The following TMEM143 variants were observed in gnomAD, a reference collection of about 807,000 sequenced individuals.
TMEM143 encodes transmembrane protein 143.
TMEM143 carries 45 observed loss-of-function variants against 40.3 expected under a neutral mutation model. That is an observed-to-expected ratio of 1.12 (90% CI 0.88 to 1.43). The LOEUF is 1.43. TMEM143 is among the 40% of genes most tolerant of loss of function. TMEM143 has a pLI of 0.00. For missense variants in TMEM143, 620 were observed against 613.4 expected, an observed-to-expected ratio of 1.01 and a Z score of -0.11; for synonymous variants, 299 against 282.7, an observed-to-expected ratio of 1.06 and a Z score of -0.58.
chr19:48,340,081 C>A (rs994622577), intron 6 of TMEM143, among the ~76,000 whole-genome samples: 2 of 149,968 alleles, frequency 1.3e-5, no homozygotes, highest in African/African-American at 4.9e-5. Context: ...GGAAATACCT[C>A]ATGAATTCAT....
intron 3 of TMEM143, among the ~76,000 whole-genome samples, chr19:48,348,174 G>C (rs1373197130): frequency 6.6e-6 from 1 of 152,092 alleles, no homozygotes; most frequent in Admixed American, 6.6e-5. Context: ...CCATTCCCAG[G>C]CTGAGCTGCA....
chr19:48,342,033 G>T (rs190420599), intron 6 of TMEM143, among the ~76,000 whole-genome samples: 4 of 150,838 alleles, frequency 2.7e-5, no homozygotes, highest in African/African-American at 9.8e-5. Flanking sequence ...AAGTAGGGAA[G>T]GGAAGGGGAA....
intron 2 of TMEM143, chr19:48,360,526 C>T (rs1342756483): frequency 8.0e-6 from 2 of 250,504 alleles, no homozygotes; most frequent in Non-Finnish European, 1.5e-5. Context: ...TGCAGTGAGT[C>T]GAGATCGTGC....
At chr19:48,353,930 C>T (rs543710165) in intron 3 of TMEM143, among the ~76,000 whole-genome samples, 1 of 152,036 alleles carries the variant, frequency 6.6e-6, no homozygotes, top group South Asian at 2.1e-4. Flanking sequence ...CCTCTCAGGG[C>T]CTCCACAAGG....
At chr19:48,358,408 A>G (rs1012669717) in intron 3 of TMEM143, among the ~76,000 whole-genome samples, 2 of 151,966 alleles carry the variant, frequency 1.3e-5, no homozygotes, top group African/African-American at 4.8e-5. Context: ...ATATATTAGA[A>G]TAAATAAATT....
In TMEM143 at chr19:48,333,966, G is replaced by A; in HGVS notation, c.1165+42C>T. The A allele has an allele frequency of 6.8e-7, 1 of 1,475,732 alleles. No homozygotes were observed. Among genetic ancestry groups the A allele is most frequent in the Non-Finnish European group, 9.0e-7 (1 of 1,113,600 alleles). 91.4% of individuals were successfully genotyped at this position (1,475,732 alleles called of 1,614,324 possible). A position where few individuals can be genotyped will look rare whatever the true frequency, so the allele number is the denominator to read the frequency against. Reference sequence around the variant, plus strand: ...ATCTCGCTGGGGCGGGGCCTCGCGGGGGTGTGGCCCCTGGGGGCAGGGTCC... The same window carrying A: ...ATCTCGCTGGGGCGGGGCCTCGCGGAGGTGTGGCCCCTGGGGGCAGGGTCC... On this transcript the variant is annotated intron_variant, in intron 7 of 7. Coordinates refer to ENST00000293261, the MANE Select transcript of TMEM143 (RefSeq NM_018273.4). This position sits in a 1 kb window ranked among gnomAD's most constrained non-coding sequence, Gnocchi z 4.1.
Position 48,333,252 on chromosome 19 carries a change from G to A in TMEM143, c.1347C>T (p.Pro449=). 1.3e-6 allele frequency: 2 copies of A among 1,497,332 alleles called. No individual in the cohort carries two copies. The highest frequency in any genetic ancestry group is 1.8e-6 in the Non-Finnish European group (2 of 1,108,930). 92.8% of individuals were successfully genotyped at this position (1,497,332 alleles called of 1,614,324 possible). ...TGTTACTGCTGGGCGTGGCTTGCGG[G>A]GGCTCGGAAGTGATCGGAGCCACTG... The part of the protein sequence containing the change: ...LDPVAPITSE[P]PQATPSSNIS The change falls in exon 8 of 8, where the codon CCC becomes CCT. Residue 449 remains proline, a synonymous_variant. Coordinates refer to ENST00000293261, the MANE Select transcript of TMEM143 (RefSeq NM_018273.4). The surrounding 1 kb of genome is among the most constrained non-coding windows in gnomAD (Gnocchi z 4.1).
intron 2 of TMEM143, among the ~76,000 whole-genome samples, chr19:48,361,683 C>T (rs1970044008): frequency 6.6e-6 from 1 of 152,120 alleles, no homozygotes; most frequent in East Asian, 1.9e-4. Flanking sequence ...GAGCCTGCCA[C>T]CTCGCCCGGC....
intron 6 of TMEM143, 61 bp downstream of exon 6, chr19:48,342,468 AG>A (rs909342383): frequency 6.6e-7 from 1 of 1,514,138 alleles, no homozygotes; most frequent in Non-Finnish European, 8.9e-7. Flanking sequence ...AGACAACTAC[AG>A]GGGGCCTGAC....
rs1569020914 is a variant in TMEM143, at chr19:48,333,297, CG to C, written c.1301del (p.Pro434ArgfsTer6). 4 of 1,580,340 alleles carry C rather than the reference CG, an allele frequency of 2.5e-6. No homozygotes were observed. Among genetic ancestry groups the C allele is most frequent in the Middle Eastern group, 1.7e-4 (1 of 5,920 alleles). ...CCACTGGGTCTAGTTTGGGGAAACC[CG>C]GGGGTGGGTACAATCCCATGCTGGG... ...LTPSMGLYPPPGFPKLDPVAP... is the reference protein window; with the variant it reads ...LTPSMGLYPPXGFPKLDPVAP... On this transcript the variant is annotated frameshift_variant, in exon 8 of 8. Transcript: ENST00000293261. LOFTEE classifies it low-confidence loss of function (END_TRUNC). The surrounding 1 kb of genome is among the most constrained non-coding windows in gnomAD (Gnocchi z 4.1).
Position 48,345,167 on chromosome 19 carries a change from T to A in TMEM143, c.557A>T (p.Glu186Val), listed in dbSNP as rs775841659. ...YALVVHHPQDEVQVTVNLDQY... is the reference protein window; with the variant it reads ...YALVVHHPQDVVQVTVNLDQY... ...TCCTAGGGAGCCAAGTACCTGGACC[T>A]CATCCTGAGGGTGGTGGACCACCAG... The change falls in exon 4 of 8, where the codon GAG becomes GTG. Residue 186 changes from glutamate to valine, a missense_variant. Transcript: ENST00000293261. The A allele has an allele frequency of 6.2e-7, 1 of 1,613,092 alleles. No homozygotes were observed. The highest frequency in any genetic ancestry group is 8.5e-7 in the Non-Finnish European group (1 of 1,179,480).
intron 3 of TMEM143, among the ~76,000 whole-genome samples, chr19:48,355,444 A>G (rs1023723758): frequency 7.2e-5 from 11 of 152,138 alleles, no homozygotes; most frequent in African/African-American, 1.9e-4. Flanking sequence ...GACTCCACCA[A>G]TTATGAACTG....
At chr19:48,363,759 G>A in intron 1 of TMEM143, 139 bp downstream of exon 1, 2 of 1,477,304 alleles carry the variant, frequency 1.4e-6, no homozygotes, top group Non-Finnish European at 1.9e-6. Flanking sequence ...CAGGCCCAGA[G>A]ACCCTGTAGT....
intron 3 of TMEM143, among the ~76,000 whole-genome samples, chr19:48,353,938 A>G (rs1969827705): frequency 6.6e-6 from 1 of 151,914 alleles, no homozygotes; most frequent in South Asian, 2.1e-4. Flanking sequence ...GGCCTCCACA[A>G]GGAAACATCT....
chr19:48,343,042 G>T (rs942786146), intron 5 of TMEM143: 3 of 677,460 alleles, frequency 4.4e-6, no homozygotes, highest in Non-Finnish European at 7.3e-6. Flanking sequence ...AATCCTGGCC[G>T]TGCCGCATCT....
chr19:48,333,316 A>T lies in TMEM143; in HGVS notation c.1283T>A (p.Met428Lys), dbSNP rs981283196. 1.9e-6 allele frequency: 3 copies of T among 1,606,984 alleles called. No homozygotes were observed. The highest frequency in any genetic ancestry group is 1.7e-5 in the Admixed American group (1 of 59,562). The change falls in exon 8 of 8, where the codon ATG becomes AAG. Residue 428 changes from methionine to lysine, a missense_variant. By Grantham distance (95) the Met-to-Lys change is moderately conservative. Transcript: ENST00000293261. This position sits in a 1 kb window ranked among gnomAD's most constrained non-coding sequence, Gnocchi z 4.1. ...GAAACCCGGGGGTGGGTACAATCCC[A>T]TGCTGGGGGTCAGGGCCTGCAGATG... The part of the protein sequence containing the change: ...LAHLQALTPS[M>K]GLYPPPGFPK...
intron 3 of TMEM143, among the ~76,000 whole-genome samples, chr19:48,349,386 T>C (rs1969714478): frequency 6.6e-6 from 1 of 152,188 alleles, no homozygotes; most frequent in African/African-American, 2.4e-5. Context: ...CTCACGCCTG[T>C]AATCCCAACA....
rs575149936 is a variant in TMEM143 at position 48,363,409 on chromosome 19, G to A, written c.146C>T (p.Ala49Val). The change falls in exon 2 of 8, where the codon GCC (alanine) becomes GTC (valine). Residue 49 changes from alanine to valine, a missense_variant. Ala to Val is a moderately conservative substitution (Grantham distance 64). Coordinates refer to ENST00000293261, the MANE Select transcript of TMEM143 (RefSeq NM_018273.4). ...CATCTTGCGATACTCCCCCATTTTG[G>A]CTGCCAGCGATGAGAGGGCCCGGGG... Reference protein sequence around the residue: ...GPPRALSSLAAKMGEYRKMWN... With the variant: ...GPPRALSSLAVKMGEYRKMWN... 5 of 1,614,072 alleles carry A rather than the reference G, an allele frequency of 3.1e-6. No homozygotes were observed. Among genetic ancestry groups the A allele is most frequent in the African/African-American group, 2.7e-5 (2 of 74,948 alleles).
rs71181680 is a variant in TMEM143, at chr19:48,350,919, C to CA, written c.370-5566dup. ...CCTGGGAGACAGTGAGACTACATCT[C>CA]AAAAAAAAAAAAAAAAAAAAAAAAA... On this transcript the variant is annotated intron_variant, in intron 3 of 7. Coordinates refer to ENST00000293261, the MANE Select transcript of TMEM143 (RefSeq NM_018273.4). Among the ~76,000 whole-genome samples the CA allele has an allele frequency of 2.9e-3, 260 of 88,214 alleles. 9 individuals carry two copies. Among genetic ancestry groups the CA allele is most frequent in the Middle Eastern group, 6.9e-3 (1 of 144 alleles). The allele number at this position is 88,214 out of a possible 152,430, so 57.9% of individuals were successfully genotyped here. A position where few individuals can be genotyped will look rare whatever the true frequency, so the allele number is the denominator to read the frequency against.
Sources: allele counts gnomAD v4.1 joint callset (sites outside exome capture counted in the v4.1 genomes callset), GRCh38; gene constraint gnomAD v4.1.1; non-coding constraint Gnocchi (gnomAD v3.1); transcripts MANE v1.5; gene names NCBI Gene and HGNC (gene_info 2026-07-23, HGNC 2026-07-21).